The following CASQ2 variants were observed in gnomAD, a reference collection of about 807,000 sequenced individuals.
CASQ2 encodes calsequestrin 2, also known as calsequestrin-2.
CASQ2 carries 49 observed loss-of-function variants against 46.5 expected under a neutral mutation model. That is an observed-to-expected ratio of 1.05 (90% CI 0.84 to 1.34). CASQ2 has a LOEUF of 1.34. Among genes scored for constraint, CASQ2 ranks in the 40% most tolerant of loss-of-function variants. The pLI is 0.00. For missense variants in CASQ2, 486 were observed against 481.3 expected (o/e 1.01, Z -0.09); for synonymous variants, 174 against 168.5 (o/e 1.03, Z -0.25).
Position 115,700,810 on chromosome 1 carries a change from A to G in CASQ2, c.*431T>C. On this transcript the variant is annotated 3_prime_UTR_variant, in exon 11 of 11. Coordinates refer to ENST00000261448, the MANE Select transcript of CASQ2 (RefSeq NM_001232.4). ...AGGTATGGAGGGAGCTAAATCATTA[A>G]TCATGTGTCTTCCCTGGGCTCTGAT... 1 of 509,144 alleles carries G rather than the reference A, an allele frequency of 2.0e-6. No individual in the cohort carries two copies. The highest frequency in any genetic ancestry group is 3.4e-6 in the Non-Finnish European group (1 of 292,514). The allele number at this position is 509,144 out of a possible 1,614,324, so 31.5% of individuals were successfully genotyped here. A position where few individuals can be genotyped will look rare whatever the true frequency, so the allele number is the denominator to read the frequency against.
At chr1:115,740,642 C>T in intron 3 of CASQ2, 86 bp downstream of exon 3, 2 of 887,556 alleles carry the variant, frequency 2.3e-6, no homozygotes, top group Non-Finnish European at 3.7e-6. Flanking sequence ...CCAGGTTCTC[C>T]AGCTTGTCCT....
At chr1:115,745,666 C>G (rs1249328191) in intron 1 of CASQ2, among the ~76,000 whole-genome samples, 1 of 152,194 alleles carries the variant, frequency 6.6e-6, no homozygotes, top group Non-Finnish European at 1.5e-5. Context: ...AGACCTAATT[C>G]TTGCCATCTG....
intron 5 of CASQ2, among the ~76,000 whole-genome samples, chr1:115,727,337 A>C (rs957833781): frequency 6.6e-6 from 1 of 152,200 alleles, no homozygotes; most frequent in Non-Finnish European, 1.5e-5. Context: ...AGGAAGGAAA[A>C]AGACTTATCT....
intron 2 of CASQ2, among the ~76,000 whole-genome samples, chr1:115,742,567 C>A (rs966429624): frequency 6.6e-6 from 1 of 152,186 alleles, no homozygotes; most frequent in Non-Finnish European, 1.5e-5. Flanking sequence ...GTGTATCAAG[C>A]GCCATCATAT....
intron 2 of CASQ2, among the ~76,000 whole-genome samples, chr1:115,742,387 A>C (rs959786471): frequency 1.3e-5 from 2 of 152,142 alleles, no homozygotes; most frequent in Non-Finnish European, 2.9e-5. Context: ...CAGTAAGAAG[A>C]CTACTGCAAT....
chr1:115,752,924 G>A (rs1384265740), intron 1 of CASQ2, among the ~76,000 whole-genome samples: 6 of 152,194 alleles, frequency 3.9e-5, no homozygotes, highest in Admixed American at 6.5e-5. Context: ...AAAGTGACAC[G>A]TGCAGGTGGT....
intron 1 of CASQ2, among the ~76,000 whole-genome samples, chr1:115,756,096 T>C (rs1648751572): frequency 6.6e-6 from 1 of 152,176 alleles, no homozygotes; most frequent in Admixed American, 6.5e-5. Context: ...TAGAAGCAGG[T>C]GAGCATGTGA....
chr1:115,716,390 A>G (rs940425063), intron 8 of CASQ2, among the ~76,000 whole-genome samples: 1 of 152,208 alleles, frequency 6.6e-6, no homozygotes, highest in Non-Finnish European at 1.5e-5. Flanking sequence ...CTCATTATTT[A>G]GGGGAATGTT....
intron 6 of CASQ2, 139 bp from the exon 7 acceptor site, chr1:115,725,692 C>G: frequency 9.3e-7 from 1 of 1,078,568 alleles, no homozygotes; most frequent in Admixed American, 2.5e-5. Context: ...CCTAAAAACC[C>G]ACTTATCTTC....
At chr1:115,712,367 A>C (rs1654574655) in intron 8 of CASQ2, among the ~76,000 whole-genome samples, 1 of 152,138 alleles carries the variant, frequency 6.6e-6, no homozygotes, top group Admixed American at 6.5e-5. Context: ...ATTGGTGAAA[A>C]AGTCAAATGA....
At chr1:115,705,591 G>C (rs193179161) in intron 8 of CASQ2, among the ~76,000 whole-genome samples, 1 of 152,170 alleles carries the variant, frequency 6.6e-6, no homozygotes, top group Non-Finnish European at 1.5e-5. Flanking sequence ...AGTCAGTCAC[G>C]GAACAGAGAA....
chr1:115,733,014 A>G (rs758909428), intron 4 of CASQ2, 40 bp from the exon 5 acceptor site: 6 of 1,376,722 alleles, frequency 4.4e-6, no homozygotes, highest in Non-Finnish European at 6.2e-6. Flanking sequence ...GACATTTTCA[A>G]GATGAACACA....
Position 115,744,858 on chromosome 1 carries a change from T to C in CASQ2, c.289A>G (p.Lys97Glu), listed in dbSNP as rs750159744. The change falls in exon 2 of 11, where the codon AAG becomes GAG. Residue 97 changes from lysine to glutamate, a missense_variant. Lys to Glu is a moderately conservative substitution (Grantham distance 56, BLOSUM62 1). Transcript: ENST00000261448. ...TTCTTGGCAAGCTTGGCTTCTTTCT[T>C]GGCATCCACCATCACAAAGCCTATA... ...KAIGFVMVDA[K>E]KEAKLAKKLG... The C allele has an allele frequency of 3.0e-5, 48 of 1,613,886 alleles. No individual in the cohort carries two copies. Among genetic ancestry groups the C allele is most frequent in the African/African-American group, 4.0e-5 (3 of 74,928 alleles).
intron 7 of CASQ2, among the ~76,000 whole-genome samples, chr1:115,724,015 G>A (rs1232023396): frequency 1.3e-5 from 2 of 152,210 alleles, no homozygotes; most frequent in African/African-American, 4.8e-5. Context: ...GTAAAACAGT[G>A]TCAAGTTGCT....
intron 7 of CASQ2, among the ~76,000 whole-genome samples, chr1:115,720,759 TTA>T (rs1321603169): frequency 1.3e-5 from 2 of 152,194 alleles, no homozygotes; most frequent in African/African-American, 4.8e-5. Flanking sequence ...TGGGCTGGCG[TTA>T]TATGTCTTGA....
chr1:115,703,457 G>A (rs6657750), intron 9 of CASQ2, among the ~76,000 whole-genome samples: 56,969 of 151,856 alleles, frequency 0.38, 11,550 homozygotes, highest in African/African-American at 0.52. Context: ...TCTCTGACTG[G>A]GGCAAAAATA....
At chr1:115,741,333 T>C (rs1484680789) in intron 2 of CASQ2, among the ~76,000 whole-genome samples, 2 of 152,252 alleles carry the variant, frequency 1.3e-5, no homozygotes, top group Non-Finnish European at 2.9e-5. Flanking sequence ...GAAAAGTCAC[T>C]GAGCATTATT....
In CASQ2 at chr1:115,739,357, A is replaced by T. The variant is rs4839475; in HGVS notation, c.421-1022T>A. ...GTCTCGATCTCCTGACCTTGTGATCAGCCCACCTTGGCCTCCCAAAGTGCT... is the reference window on the plus strand; with the variant it reads ...GTCTCGATCTCCTGACCTTGTGATCTGCCCACCTTGGCCTCCCAAAGTGCT... On this transcript the variant is annotated intron_variant, in intron 3 of 10. Transcript: ENST00000261448. Among the ~76,000 whole-genome samples, 96 of 151,494 alleles carry T rather than the reference A, an allele frequency of 6.3e-4. 1 individual carries two copies. In the Middle Eastern group the frequency reaches 0.01, roughly 16 times the overall value.
chr1:115,761,169 TG>T (rs1315019610), intron 1 of CASQ2, among the ~76,000 whole-genome samples: 3 of 151,342 alleles, frequency 2.0e-5, no homozygotes, highest in African/African-American at 7.3e-5. Flanking sequence ...CTACCTCATC[TG>T]AGGTTGGACA....
Sources: allele counts gnomAD v4.1 joint callset (sites outside exome capture counted in the v4.1 genomes callset), GRCh38; gene constraint gnomAD v4.1.1; transcripts MANE v1.5; gene names NCBI Gene and HGNC (gene_info 2026-07-23, HGNC 2026-07-21).